ASCC1: variants seen among roughly 807,000 people sequenced by gnomAD.
ASCC1 encodes activating signal cointegrator 1 complex subunit 1.
A neutral mutation model predicts 46.6 loss-of-function variants in ASCC1; 35 were observed. The ratio of observed to expected loss-of-function variants is 0.75; its 90% CI spans 0.57 to 0.99. The LOEUF is 0.99. ASCC1 is among the 50% of genes least tolerant of loss of function. The pLI is 0.00. For missense variants in ASCC1, 376 were observed against 428.7 expected (o/e 0.88, Z 1.09); for synonymous variants, 143 against 146.6 (o/e 0.98, Z 0.18).
chr10:72,171,788 G>T (rs995324869), intron 5 of ASCC1, among the ~76,000 whole-genome samples: 1 of 152,180 alleles, frequency 6.6e-6, no homozygotes, highest in African/African-American at 2.4e-5. Context: ...TGCCATAAAA[G>T]GTAATAGTCA....
intron 5 of ASCC1, among the ~76,000 whole-genome samples, chr10:72,167,315 G>A (rs955794783): frequency 6.6e-6 from 1 of 152,132 alleles, no homozygotes; most frequent in African/African-American, 2.4e-5. Flanking sequence ...ACATAGATAA[G>A]CCTCAAAATA....
intron 5 of ASCC1, among the ~76,000 whole-genome samples, chr10:72,173,272 T>C (rs1851462613): frequency 6.6e-6 from 1 of 152,144 alleles, no homozygotes; most frequent in African/African-American, 2.4e-5. Flanking sequence ...TTTCTCTTTA[T>C]TCTTCAACTT....
intron 8 of ASCC1, among the ~76,000 whole-genome samples, chr10:72,131,202 C>T (rs550569202): frequency 2.0e-5 from 3 of 152,104 alleles, no homozygotes; most frequent in Non-Finnish European, 4.4e-5. Context: ...AGGTGGATCA[C>T]AAGGTCAGGA....
rs200495374 is a variant in ASCC1 at position 72,213,161 on chromosome 10, T to C, written c.112+26A>G. 8.0e-6 allele frequency: 12 copies of C among 1,505,130 alleles called. No individual in the cohort carries two copies. The East Asian group carries it at 2.5e-4, about 31-fold the overall frequency. 93.2% of individuals were successfully genotyped at this position (1,505,130 alleles called of 1,614,324 possible). On this transcript the variant is annotated intron_variant, in intron 2 of 9. Coordinates refer to ENST00000672957, the MANE Select transcript of ASCC1 (RefSeq NM_001198800.3). ...AATACACAGGACATTTTACTTCTTA[T>C]CTGACCAAAGAGCAACTAGGATTAC...
chr10:72,192,417 A>G (rs1854658636), intron 5 of ASCC1, among the ~76,000 whole-genome samples: 1 of 151,618 alleles, frequency 6.6e-6, no homozygotes, highest in South Asian at 2.1e-4. Context: ...ATCGAGCCAT[A>G]GAACTCCAGC....
intron 5 of ASCC1, among the ~76,000 whole-genome samples, chr10:72,181,676 T>C (rs977554311): frequency 6.6e-6 from 1 of 151,954 alleles, no homozygotes; most frequent in African/African-American, 2.4e-5. Context: ...CAGTAACTTG[T>C]GCACCAATAT....
intron 9 of ASCC1, among the ~76,000 whole-genome samples, chr10:72,104,783 A>C (rs931846490): frequency 6.6e-6 from 1 of 152,180 alleles, no homozygotes; most frequent in African/African-American, 2.4e-5. Flanking sequence ...ATATTTAATG[A>C]GGAAATGGAA....
At chr10:72,182,636 T>C (rs1852792256) in intron 5 of ASCC1, among the ~76,000 whole-genome samples, 1 of 152,024 alleles carries the variant, frequency 6.6e-6, no homozygotes, top group Non-Finnish European at 1.5e-5. Context: ...TAATATAAAA[T>C]TCAGAAAGGG....
intron 5 of ASCC1, among the ~76,000 whole-genome samples, chr10:72,174,729 G>A (rs954796298): frequency 6.6e-6 from 1 of 152,144 alleles, no homozygotes; most frequent in Admixed American, 6.5e-5. Flanking sequence ...CCTTTAACCT[G>A]GAGTAGAGAG....
intron 7 of ASCC1, among the ~76,000 whole-genome samples, chr10:72,138,620 T>C (rs977164641): frequency 3.4e-5 from 5 of 147,448 alleles, no homozygotes; most frequent in Non-Finnish European, 7.5e-5. Flanking sequence ...TTTTTTTTTT[T>C]TTTGAGATGG....
At position 72,203,420 on chromosome 10, in the gene ASCC1, G is replaced by A; in HGVS notation, c.310+7C>T. On this transcript the variant is annotated splice_region_variant and intron_variant, in intron 4 of 9. Transcript: ENST00000672957. ...TTCAAATGTAACTTATATCTACTGA[G>A]TCTCACCAATTTCCCCGTCTTGTCC... is the stretch of plus-strand genomic sequence containing the variant. 6.2e-7 allele frequency: 1 copy of A among 1,601,332 alleles called. No individual in the cohort carries two copies. The highest frequency in any genetic ancestry group is 1.3e-5 in the African/African-American group (1 of 74,744).
At position 72,097,119 on chromosome 10, in the gene ASCC1, G is replaced by C. The variant is rs1026715438; in HGVS notation, c.*215C>G. On this transcript the variant is annotated 3_prime_UTR_variant, in exon 10 of 10. Transcript: ENST00000672957. ...AAGAAAAAAAACCAGAACACACTAA[G>C]GGTTATAGGCACAAATTCTCCTTAT... 8.0e-6 allele frequency: 5 copies of C among 627,704 alleles called. No homozygotes were observed. The highest frequency in any genetic ancestry group is 2.1e-5 in the Admixed American group (1 of 48,152). 38.9% of individuals were successfully genotyped at this position (627,704 alleles called of 1,614,324 possible).
intron 7 of ASCC1, among the ~76,000 whole-genome samples, chr10:72,147,985 T>G (rs899308412): frequency 6.6e-6 from 1 of 152,208 alleles, no homozygotes; most frequent in Non-Finnish European, 1.5e-5. Context: ...TATGACATTA[T>G]CTATCTTTTT....
intron 9 of ASCC1, among the ~76,000 whole-genome samples, chr10:72,115,504 T>C (rs1564595153): frequency 6.6e-6 from 1 of 152,136 alleles, no homozygotes; most frequent in Non-Finnish European, 1.5e-5. Flanking sequence ...CCTTAGGGAA[T>C]AGACATATTA....
At chr10:72,146,782 T>TAA (rs1847679320) in intron 7 of ASCC1, among the ~76,000 whole-genome samples, 1 of 152,178 alleles carries the variant, frequency 6.6e-6, no homozygotes, top group Non-Finnish European at 1.5e-5. Flanking sequence ...TACGTCCTTT[T>TAA]AAAGGTCAGG....
At chr10:72,187,719 C>CGAAA (rs1853693507) in intron 5 of ASCC1, among the ~76,000 whole-genome samples, 1 of 35,220 alleles carries the variant, frequency 2.8e-5, no homozygotes, top group East Asian at 8.1e-4. Flanking sequence ...GAATCCGTCT[C>CGAAA]AAAAAAAAAA....
chr10:72,163,170 G>A (rs1203271279), intron 5 of ASCC1, among the ~76,000 whole-genome samples: 1 of 152,090 alleles, frequency 6.6e-6, no homozygotes, highest in Non-Finnish European at 1.5e-5. Context: ...ATTGTTGCTA[G>A]GAAGGTAAAA....
At chr10:72,190,576 A>C in intron 5 of ASCC1, 4 of 1,334,778 alleles carry the variant, frequency 3.0e-6, no homozygotes, top group Admixed American at 4.3e-5. Flanking sequence ...ATTATCGCTA[A>C]TATAAGTAAA....
intron 9 of ASCC1, among the ~76,000 whole-genome samples, chr10:72,123,633 T>C (rs1012051869): frequency 9.2e-5 from 14 of 152,180 alleles, no homozygotes; most frequent in African/African-American, 3.4e-4. Flanking sequence ...AGTGACCGCA[T>C]AGTTCTAAAT....
Sources: allele counts gnomAD v4.1 joint callset (sites outside exome capture counted in the v4.1 genomes callset), GRCh38; gene constraint gnomAD v4.1.1; transcripts MANE v1.5; gene names NCBI Gene and HGNC (gene_info 2026-07-23, HGNC 2026-07-21).